CHEK2: variants seen among roughly 807,000 people sequenced by gnomAD.
CHEK2 encodes the protein checkpoint kinase 2.
Under a neutral mutation model 69.1 loss-of-function variants are expected in CHEK2, and 71 were observed. The observed-to-expected ratio is 1.03, with a 90% CI of 0.85 to 1.25. The LOEUF (loss-of-function observed/expected upper bound fraction) is 1.25. Ranked by LOEUF, CHEK2 falls within the 50% of genes most tolerant of loss-of-function variation. The pLI, the probability that CHEK2 is intolerant of heterozygous loss-of-function variation, is 0.00. For missense variants in CHEK2, 664 were observed against 649.6 expected (o/e 1.02, Z -0.24); for synonymous variants, 189 against 226.9 (o/e 0.83, Z 1.50).
rs1349961118 is a variant in CHEK2, at chr22:28,734,691, G to A, written c.31C>T (p.Gln11Ter). Reference sequence around the variant, plus strand: ...GAACAGGCACTGCTGCCATGAGACTGCTGAGCCTCAACATCCGACTCCCGA... The same window carrying A: ...GAACAGGCACTGCTGCCATGAGACTACTGAGCCTCAACATCCGACTCCCGA... Reference protein sequence around the residue: MSRESDVEAQQSHGSSACSQP... With the variant: MSRESDVEAQ The change falls in exon 2 of 15, where the codon CAG becomes TAG. Residue 11 changes from glutamine to a stop codon, truncating the protein, a stop_gained. Coordinates refer to ENST00000404276, the MANE Select transcript of CHEK2 (RefSeq NM_007194.4). LOFTEE classifies it high-confidence loss of function. 6.2e-7 allele frequency: 1 copy of A among 1,613,746 alleles called. No individual in the cohort carries two copies. Among genetic ancestry groups the A allele is most frequent in the South Asian group, 1.1e-5 (1 of 91,052 alleles).
chr22:28,730,565 TAA>T, intron 2 of CHEK2: 1 of 682,394 alleles, frequency 1.5e-6, no homozygotes, highest in South Asian at 1.5e-5. Flanking sequence ...AAAATAAAAA[TAA>T]AAAAGTTAGG....
chr22:28,735,470 T>A (rs942521262), intron 1 of CHEK2, among the ~76,000 whole-genome samples: 1 of 152,168 alleles, frequency 6.6e-6, no homozygotes, highest in Admixed American at 6.5e-5. Context: ...ATGTTTAGAC[T>A]TTCTGTGAAA....
intron 1 of CHEK2, among the ~76,000 whole-genome samples, chr22:28,741,242 G>T (rs769802709): frequency 6.7e-6 from 1 of 149,722 alleles, no homozygotes; most frequent in Non-Finnish European, 1.5e-5. Context: ...AATTCCAGAG[G>T]TCTTTCAAGT....
At chr22:28,696,227 C>T (rs914563632) in intron 10 of CHEK2, among the ~76,000 whole-genome samples, 1 of 152,152 alleles carries the variant, frequency 6.6e-6, no homozygotes, top group Non-Finnish European at 1.5e-5. Flanking sequence ...CTATGGAATA[C>T]CTGGGGAGCT....
At chr22:28,737,495 A>T (rs1190083134) in intron 1 of CHEK2, among the ~76,000 whole-genome samples, 1 of 150,350 alleles carries the variant, frequency 6.7e-6, no homozygotes, top group Non-Finnish European at 1.5e-5. Context: ...TTTTTTTGAA[A>T]CGGAGTCTCA....
intron 2 of CHEK2, chr22:28,730,300 GGAAGGGAAAGGAAAGCA>G (rs2054170627): frequency 1.9e-5 from 8 of 422,134 alleles, no homozygotes; most frequent in Middle Eastern, 6.5e-4. Flanking sequence ...AAAGGAAAGC[GGAAGGGAAAGGAAAGCA>G]GAAGGGAAAG....
At chr22:28,730,264 G>GAGGAGAGGAGGAGAGAGTGGAAGGGAA (rs1555929510) in intron 2 of CHEK2, among the ~76,000 whole-genome samples, 1 of 534 alleles carries the variant, frequency 1.9e-3, no homozygotes, top group African/African-American at 8.6e-3. Context: ...GAGGGGAGGG[G>GAGGAGAGGAGGAGAGAGTGGAAGGGAA]AGGAAAGGAA....
intron 1 of CHEK2, chr22:28,737,176 C>T (rs1003465959): frequency 3.9e-5 from 15 of 385,086 alleles, no homozygotes; most frequent in African/African-American, 3.0e-4. Context: ...CCTGAAACCT[C>T]GCATAGTACA....
intron 8 of CHEK2, 147 bp downstream of exon 8, chr22:28,703,358 C>A (rs890514179): frequency 3.3e-5 from 20 of 608,054 alleles, no homozygotes; most frequent in Non-Finnish European, 5.7e-5. Flanking sequence ...GATATTAACC[C>A]CCTATACACA....
At chr22:28,710,930 T>C (rs2053369144) in intron 6 of CHEK2, among the ~76,000 whole-genome samples, 1 of 152,112 alleles carries the variant, frequency 6.6e-6, no homozygotes, top group African/African-American at 2.4e-5. Flanking sequence ...GGTATTTTCT[T>C]CTCCCCAAAA....
intron 1 of CHEK2, among the ~76,000 whole-genome samples, chr22:28,741,071 A>T (rs2054540157): frequency 6.9e-6 from 1 of 145,496 alleles, no homozygotes; most frequent in Non-Finnish European, 1.5e-5. Flanking sequence ...AATCGCTTGA[A>T]CCCAGGAGGC....
At chr22:28,732,198 G>A (rs1246309309) in intron 2 of CHEK2, among the ~76,000 whole-genome samples, 1 of 151,660 alleles carries the variant, frequency 6.6e-6, no homozygotes, top group African/African-American at 2.4e-5. Flanking sequence ...TGCAACCTCT[G>A]CCTCCCAGGT....
At chr22:28,689,320 T>C in intron 13 of CHEK2, 105 bp from the exon 14 acceptor site, 1 of 853,504 alleles carries the variant, frequency 1.2e-6, no homozygotes, top group Non-Finnish European at 2.0e-6. Flanking sequence ...AAAATGTCCG[T>C]CCAAGAATCA....
chr22:28,718,134 A>G (rs1023948488), intron 5 of CHEK2, among the ~76,000 whole-genome samples: 1 of 152,164 alleles, frequency 6.6e-6, no homozygotes, highest in Non-Finnish European at 1.5e-5. Flanking sequence ...AGTTAATTTC[A>G]CCTCAAACAC....
chr22:28,710,717 T>C (rs1018281786), intron 6 of CHEK2, among the ~76,000 whole-genome samples: 9 of 152,146 alleles, frequency 5.9e-5, no homozygotes, highest in African/African-American at 1.7e-4. Flanking sequence ...AAAGAGGAGA[T>C]AGAATTACAT....
intron 1 of CHEK2, among the ~76,000 whole-genome samples, chr22:28,735,676 G>A (rs2054381392): frequency 6.6e-6 from 1 of 151,852 alleles, no homozygotes; most frequent in Admixed American, 6.6e-5. Flanking sequence ...GAGATCAGGA[G>A]TTCAAGACCA....
At chr22:28,713,918 T>A (rs2053497328) in intron 5 of CHEK2, among the ~76,000 whole-genome samples, 2 of 151,982 alleles carry the variant, frequency 1.3e-5, no homozygotes, top group South Asian at 4.2e-4. Flanking sequence ...TGACCTCAGG[T>A]TATCTACCCA....
intron 6 of CHEK2, among the ~76,000 whole-genome samples, chr22:28,711,575 G>A (rs1371089339): frequency 1.3e-5 from 2 of 152,068 alleles, no homozygotes; most frequent in South Asian, 2.1e-4. Flanking sequence ...GGGTTACAGT[G>A]GGGATTATGG....
At chr22:28,713,003 C>A (rs2053458280) in intron 5 of CHEK2, among the ~76,000 whole-genome samples, 1 of 152,214 alleles carries the variant, frequency 6.6e-6, no homozygotes, top group African/African-American at 2.4e-5. Context: ...ACTCAGCCCC[C>A]AGCCCCTGGC....
Sources: allele counts gnomAD v4.1 joint callset (sites outside exome capture counted in the v4.1 genomes callset), GRCh38; gene constraint gnomAD v4.1.1; transcripts MANE v1.5; gene names NCBI Gene and HGNC (gene_info 2026-07-23, HGNC 2026-07-21).